DOCK7: variants seen among roughly 807,000 people sequenced by gnomAD.
DOCK7 encodes the protein dedicator of cytokinesis protein 7.
In DOCK7, 138 loss-of-function variants were observed where a neutral mutation model predicts 271.0. The ratio of observed to expected loss-of-function variants is 0.51; its 90% CI spans 0.44 to 0.59. DOCK7 has a LOEUF of 0.59. DOCK7 is among the 20% of genes least tolerant of loss of function. The pLI is 0.00. For missense variants in DOCK7, 2,066 were observed against 2,592.4 expected, an observed-to-expected ratio of 0.80 and a Z score of 4.41; for synonymous variants, 823 against 876.1, an observed-to-expected ratio of 0.94 and a Z score of 1.07.
chr1:62,631,160 A>C, intron 11 of DOCK7, 80 bp downstream of exon 11: 1 of 1,310,636 alleles, frequency 7.6e-7, no homozygotes, highest in Non-Finnish European at 1.0e-6. Context: ...CCTCCAGCCT[A>C]GGCCATAGAG....
chr1:62,591,837 G>A (rs1557767460), intron 14 of DOCK7, among the ~76,000 whole-genome samples: 1 of 152,054 alleles, frequency 6.6e-6, no homozygotes, highest in Non-Finnish European at 1.5e-5. Flanking sequence ...GTTCATTTAT[G>A]TATTACTTCT....
At position 62,654,137 on chromosome 1, in the gene DOCK7, T is replaced by G; in HGVS notation, c.167A>C (p.Asp56Ala). 1 of 1,613,466 alleles carries G rather than the reference T, an allele frequency of 6.2e-7. No individual in the cohort carries two copies. Among genetic ancestry groups the G allele is most frequent in the Non-Finnish European group, 8.5e-7 (1 of 1,179,670 alleles). ...HTTVPLTEAV[D>A]PVDLEDYLIT... The stretch of plus-strand genomic sequence containing the variant: ...GAGGTAATCTTCCAAATCCACTGGA[T>G]CTACTGCTTCGGTAAGGGGCACCTT... The change falls in exon 3 of 50, where the codon GAT (aspartate) becomes GCT (alanine). Residue 56 changes from aspartate (D) to alanine (A), a missense_variant. Coordinates refer to ENST00000635253, the MANE Select transcript of DOCK7 (RefSeq NM_001367561.1).
At chr1:62,488,736 C>A in intron 42 of DOCK7, 198 bp downstream of exon 42, 1 of 669,668 alleles carries the variant, frequency 1.5e-6, no homozygotes, top group Non-Finnish European at 2.6e-6. Context: ...TTATGATGAT[C>A]ACCATTTACT....
At chr1:62,542,033 A>G (rs1180297838) in intron 25 of DOCK7, among the ~76,000 whole-genome samples, 1 of 151,950 alleles carries the variant, frequency 6.6e-6, no homozygotes, top group African/African-American at 2.4e-5. Flanking sequence ...CACCAGGTTT[A>G]GCTAATTTAA....
At chr1:62,593,674 A>G (rs1012364807) in intron 14 of DOCK7, among the ~76,000 whole-genome samples, 1 of 152,148 alleles carries the variant, frequency 6.6e-6, no homozygotes, top group Non-Finnish European at 1.5e-5. Flanking sequence ...AACACACAAA[A>G]CAGTAAGATA....
At chr1:62,599,056 A>C (rs1219982779) in intron 14 of DOCK7, among the ~76,000 whole-genome samples, 1 of 152,112 alleles carries the variant, frequency 6.6e-6, no homozygotes, top group South Asian at 2.1e-4. Context: ...TACAAAGATA[A>C]TAACAGAACT....
At chr1:62,614,333 T>C (rs1387726033) in intron 14 of DOCK7, among the ~76,000 whole-genome samples, 1 of 151,134 alleles carries the variant, frequency 6.6e-6, no homozygotes, top group Non-Finnish European at 1.5e-5. Context: ...AAGGTTTTTG[T>C]TTTTTTTTAA....
chr1:62,506,923 G>A (rs1314264767), intron 35 of DOCK7, among the ~76,000 whole-genome samples: 1 of 149,818 alleles, frequency 6.7e-6, no homozygotes, highest in Non-Finnish European at 1.5e-5. Flanking sequence ...CTCCAGCCTG[G>A]GCAACAAGAG....
rs565196577 is a variant in DOCK7, at chr1:62,670,888, G to C, written c.39-7758C>G. Among the ~76,000 whole-genome samples, 198 of 152,158 alleles carry C rather than the reference G, an allele frequency of 1.3e-3. 2 individuals are homozygous for C. The highest frequency in any genetic ancestry group is 4.6e-3 in the African/African-American group (192 of 41,498). ...CACACTGTGGAAGCTTTGTTCTTTCGCTCTTTGCAATAAATCTTGCTACTG... is the reference window on the plus strand; with the variant it reads ...CACACTGTGGAAGCTTTGTTCTTTCCCTCTTTGCAATAAATCTTGCTACTG... On this transcript the variant is annotated intron_variant, in intron 1 of 49. Coordinates refer to ENST00000635253, the MANE Select transcript of DOCK7 (RefSeq NM_001367561.1).
At chr1:62,645,042 GATA>G (rs1656479873) in intron 7 of DOCK7, among the ~76,000 whole-genome samples, 1 of 152,072 alleles carries the variant, frequency 6.6e-6, no homozygotes, top group Admixed American at 6.5e-5. Flanking sequence ...AAAAAAAACA[GATA>G]ATAACAAATA....
At chr1:62,586,680 T>C in intron 14 of DOCK7, 56 bp from the exon 15 acceptor site, 2 of 1,043,250 alleles carry the variant, frequency 1.9e-6, no homozygotes, top group Non-Finnish European at 2.8e-6. Context: ...ACACTATGTA[T>C]CACTCACAAA....
chr1:62,671,048 C>T (rs1337964617), intron 1 of DOCK7, among the ~76,000 whole-genome samples: 1 of 152,072 alleles, frequency 6.6e-6, no homozygotes, highest in African/African-American at 2.4e-5. Flanking sequence ...GCCTTAAGAG[C>T]TGTAACACTC....
At chr1:62,558,937 G>T in intron 20 of DOCK7, 52 bp downstream of exon 20, 4 of 1,370,332 alleles carry the variant, frequency 2.9e-6, no homozygotes, top group Non-Finnish European at 4.0e-6. Context: ...ACAAAATTTA[G>T]AAATGTCAAG....
chr1:62,544,555 T>C (rs190080117), intron 23 of DOCK7, among the ~76,000 whole-genome samples: 95 of 152,308 alleles, frequency 6.2e-4, no homozygotes, highest in African/African-American at 2.1e-3. Flanking sequence ...ATGAAAATGA[T>C]ACAATAGTTA....
intron 31 of DOCK7, among the ~76,000 whole-genome samples, chr1:62,514,712 T>C (rs1435201797): frequency 2.5e-5 from 3 of 121,110 alleles, no homozygotes; most frequent in Non-Finnish European, 5.7e-5. Context: ...ATGCTAATCA[T>C]GTTTTATTTA....
At chr1:62,667,698 C>T (rs1398088320) in intron 1 of DOCK7, among the ~76,000 whole-genome samples, 1 of 151,954 alleles carries the variant, frequency 6.6e-6, no homozygotes, top group African/African-American at 2.4e-5. Flanking sequence ...GCCTAGGTGA[C>T]ACAGAGAGAC....
At chr1:62,682,437 T>C (rs1052280262) in intron 1 of DOCK7, among the ~76,000 whole-genome samples, 26 of 152,304 alleles carry the variant, frequency 1.7e-4, no homozygotes, top group African/African-American at 6.0e-4. Context: ...ATCCATGGGA[T>C]CTGTGTGAAG....
chr1:62,581,068 T>C (rs1647103165), intron 16 of DOCK7, among the ~76,000 whole-genome samples: 1 of 152,090 alleles, frequency 6.6e-6, no homozygotes, highest in Non-Finnish European at 1.5e-5. Flanking sequence ...TACCATCCAG[T>C]CCTTTGTAGA....
At chr1:62,531,735 A>G (rs1322133728) in intron 29 of DOCK7, among the ~76,000 whole-genome samples, 1 of 152,238 alleles carries the variant, frequency 6.6e-6, no homozygotes, top group Admixed American at 6.5e-5. Flanking sequence ...GATCTCTCCA[A>G]GACAATGCTG....
Sources: allele counts gnomAD v4.1 joint callset (sites outside exome capture counted in the v4.1 genomes callset), GRCh38; gene constraint gnomAD v4.1.1; transcripts MANE v1.5; gene names NCBI Gene and HGNC (gene_info 2026-07-23, HGNC 2026-07-21).